PLXNA4: variants seen among roughly 807,000 people sequenced by gnomAD.
PLXNA4 encodes plexin A4.
In PLXNA4, 44 loss-of-function variants were observed where a neutral mutation model predicts 191.8. That is an observed-to-expected ratio of 0.23 (90% confidence interval 0.18 to 0.29). PLXNA4 has a LOEUF of 0.29. PLXNA4 is among the 10% of genes least tolerant of loss of function. The pLI, the probability that PLXNA4 is intolerant of heterozygous loss-of-function variation, is 1.00. For synonymous variants in PLXNA4, 1,082 were observed against 1,009.5 expected (o/e 1.07, Z -1.36); for missense variants, 1,800 against 2,488.8 (o/e 0.72, Z 5.89).
rs1337599968 is a variant in PLXNA4 at position 132,128,940 on chromosome 7, G to A, written c.*1539C>T. 4 of 152,206 alleles carry A rather than the reference G, an allele frequency of 2.6e-5. No homozygotes were observed. Among genetic ancestry groups the A allele is most frequent in the African/African-American group, 9.7e-5 (4 of 41,448 alleles). 9.4% of individuals were successfully genotyped at this position (152,206 alleles called of 1,614,324 possible). A position where few individuals can be genotyped will look rare whatever the true frequency, so the allele number is the denominator to read the frequency against. On this transcript the variant is annotated 3_prime_UTR_variant, in exon 32 of 32. Transcript: ENST00000321063. ...CCAGACAGCACCTAAGGTCTCCTTAGGATGAAAGGTTCCTAGAACCCTCCA... is the reference window on the plus strand; with the variant it reads ...CCAGACAGCACCTAAGGTCTCCTTAAGATGAAAGGTTCCTAGAACCCTCCA...
chr7:132,468,277 T>G (rs1281629082), intron 3 of PLXNA4, among the ~76,000 whole-genome samples: 1 of 151,896 alleles, frequency 6.6e-6, no homozygotes, highest in African/African-American at 2.4e-5. Context: ...ACAGATGGTA[T>G]TGTTGAAAAC....
In PLXNA4 at chr7:132,171,943, G is replaced by T. The variant is rs527255381; in HGVS notation, c.4017+2835C>A. On this transcript the variant is annotated intron_variant, in intron 21 of 31. Coordinates refer to ENST00000321063, the MANE Select transcript of PLXNA4 (RefSeq NM_020911.2). Reference sequence around the variant, plus strand: ...TTAAACGGCAACAGTTTTATTACCTGCCTTTCAGACTCCCTGGACTGCTTT... The same window carrying T: ...TTAAACGGCAACAGTTTTATTACCTTCCTTTCAGACTCCCTGGACTGCTTT... Among the ~76,000 whole-genome samples the T allele has an allele frequency of 3.9e-5, 6 of 152,180 alleles. No homozygotes were observed. The South Asian group carries it at 6.2e-4, about 16-fold the overall frequency.
chr7:132,454,817 C>G (rs1563108605), intron 3 of PLXNA4, among the ~76,000 whole-genome samples: 1 of 152,038 alleles, frequency 6.6e-6, no homozygotes, highest in Non-Finnish European at 1.5e-5. Context: ...CCTGCCTATA[C>G]CTTGATCTTG....
intron 2 of PLXNA4, among the ~76,000 whole-genome samples, chr7:132,590,601 A>G (rs1802589257): frequency 1.3e-5 from 2 of 152,174 alleles, no homozygotes; most frequent in Admixed American, 1.3e-4. Context: ...AGAAAGATGT[A>G]GGCCAGAAGA....
chr7:132,401,229 G>A (rs774634528), intron 3 of PLXNA4, among the ~76,000 whole-genome samples: 3 of 152,336 alleles, frequency 2.0e-5, no homozygotes, highest in Non-Finnish European at 2.9e-5. Context: ...ATGATGCCAC[G>A]TGGAGGGGAG....
chr7:132,234,921 C>A lies in PLXNA4; in HGVS notation c.1604+6145G>T, dbSNP rs555050995. Among the ~76,000 whole-genome samples, 6 of 152,228 alleles carry A rather than the reference C, an allele frequency of 3.9e-5. No homozygotes were observed. The East Asian group carries it at 1.2e-3, about 29-fold the overall frequency. ...AGCCCTAGGAGAGATCAGTGACCAG[C>A]AGATTAGTGTTAAGTAGCCCTTGAA... On this transcript the variant is annotated intron_variant, in intron 5 of 31. Coordinates refer to ENST00000321063, the MANE Select transcript of PLXNA4 (RefSeq NM_020911.2).
intron 8 of PLXNA4, among the ~76,000 whole-genome samples, chr7:132,224,271 G>T (rs1184456296): frequency 1.3e-5 from 2 of 152,104 alleles, no homozygotes; most frequent in East Asian, 1.9e-4. Context: ...CCCAACGCAG[G>T]TTTGTTGCTT....
chr7:132,523,649 C>T (rs1693849418), intron 1 of PLXNA4, among the ~76,000 whole-genome samples: 1 of 152,176 alleles, frequency 6.6e-6, no homozygotes, highest in African/African-American at 2.4e-5. Flanking sequence ...CTCAGTCTGG[C>T]TGCTGTGTAG....
chr7:132,484,702 T>C, intron 3 of PLXNA4: 1 of 1,484,862 alleles, frequency 6.7e-7, no homozygotes, highest in Non-Finnish European at 9.0e-7. Flanking sequence ...GTCTATTTGG[T>C]GTTCCAACAT....
intron 1 of PLXNA4, among the ~76,000 whole-genome samples, chr7:132,549,607 C>T (rs1800467659): frequency 6.6e-6 from 1 of 152,134 alleles, no homozygotes; most frequent in African/African-American, 2.4e-5. Context: ...TTCCTGGGGG[C>T]AGATTTCCGT....
Position 132,130,345 on chromosome 7 carries a change from G to A in PLXNA4, c.*134C>T, listed in dbSNP as rs1794888796. 8.1e-7 allele frequency: 1 copy of A among 1,239,732 alleles called. No homozygotes were observed. The highest frequency in any genetic ancestry group is 1.1e-6 in the Non-Finnish European group (1 of 878,650). 76.8% of individuals were successfully genotyped at this position (1,239,732 alleles called of 1,614,324 possible). ...AGGGAGAAACGGAAAGAGGCAGAGA[G>A]AAAGAGAGAGAAACAGCGCTGCTCA... On this transcript the variant is annotated 3_prime_UTR_variant, in exon 32 of 32. Coordinates refer to ENST00000321063, the MANE Select transcript of PLXNA4 (RefSeq NM_020911.2).
At chr7:132,237,615 C>T (rs1179097736) in intron 5 of PLXNA4, among the ~76,000 whole-genome samples, 1 of 152,166 alleles carries the variant, frequency 6.6e-6, no homozygotes, top group African/African-American at 2.4e-5. Context: ...CTGTGTCTGC[C>T]TTCCTCAGGT....
chr7:132,575,833 T>C (rs1802198736), intron 1 of PLXNA4, among the ~76,000 whole-genome samples: 1 of 152,178 alleles, frequency 6.6e-6, no homozygotes, highest in Admixed American at 6.5e-5. Context: ...AGTGTCTGTT[T>C]CATATGCGCC....
intron 3 of PLXNA4, among the ~76,000 whole-genome samples, chr7:132,414,436 A>T (rs1006937313): frequency 2.0e-5 from 3 of 152,188 alleles, no homozygotes; most frequent in Non-Finnish European, 2.9e-5. Context: ...GAAAATATTT[A>T]TCAAACCCCA....
chr7:132,362,431 T>C (rs761827469), intron 3 of PLXNA4, among the ~76,000 whole-genome samples: 5 of 152,168 alleles, frequency 3.3e-5, no homozygotes, highest in Non-Finnish European at 7.3e-5. Flanking sequence ...AAACTTCACA[T>C]AAAATAGTGA....
intron 16 of PLXNA4, among the ~76,000 whole-genome samples, chr7:132,183,969 T>C (rs1481111073): frequency 2.0e-5 from 3 of 152,198 alleles, no homozygotes; most frequent in East Asian, 1.9e-4. Flanking sequence ...AGACAATACA[T>C]GTACGAGTGA....
chr7:132,174,533 C>A (rs1443888696), intron 21 of PLXNA4, among the ~76,000 whole-genome samples: 3 of 152,164 alleles, frequency 2.0e-5, no homozygotes, highest in Non-Finnish European at 4.4e-5. Flanking sequence ...TACTTCCATT[C>A]AATTCTGAAA....
chr7:132,559,272 G>A (rs1174587537), intron 1 of PLXNA4, among the ~76,000 whole-genome samples: 1 of 152,008 alleles, frequency 6.6e-6, no homozygotes, highest in Non-Finnish European at 1.5e-5. Context: ...CACCTCTATG[G>A]GGTTTTTGAA....
intron 3 of PLXNA4, chr7:132,352,506 T>C (rs1436452497): frequency 6.6e-6 from 1 of 152,082 alleles, no homozygotes; most frequent in Admixed American, 6.5e-5. Context: ...GGACTTGGGG[T>C]TGGAAGCAGA....
Sources: allele counts gnomAD v4.1 joint callset (sites outside exome capture counted in the v4.1 genomes callset), GRCh38; gene constraint gnomAD v4.1.1; transcripts MANE v1.5; gene names NCBI Gene and HGNC (gene_info 2026-07-23, HGNC 2026-07-21).